RFWD3: variants seen among roughly 807,000 people sequenced by gnomAD.
RFWD3 encodes the protein E3 ubiquitin-protein ligase RFWD3.
A neutral mutation model predicts 87.7 loss-of-function variants in RFWD3; 65 were observed. That is an observed-to-expected ratio of 0.74 (90% confidence interval 0.61 to 0.91). The LOEUF is 0.91. RFWD3 is among the 40% of genes least tolerant of loss of function. The probability of loss-of-function intolerance (pLI) is 0.00; values close to 1 mark genes in which losing one functional copy is unlikely to be tolerated. For missense variants in RFWD3, 1,078 were observed against 938.5 expected, an observed-to-expected ratio of 1.15 and a Z score of -1.94; for synonymous variants, 433 against 352.8, an observed-to-expected ratio of 1.23 and a Z score of -2.55.
intron 6 of RFWD3, among the ~76,000 whole-genome samples, chr16:74,642,117 C>T (rs969321360): frequency 1.3e-4 from 19 of 151,904 alleles, no homozygotes; most frequent in African/African-American, 4.6e-4. Flanking sequence ...CACAGGAAGA[C>T]TTCTAGTGTA....
chr16:74,647,081 G>A (rs1482428883), intron 4 of RFWD3, among the ~76,000 whole-genome samples: 5 of 147,656 alleles, frequency 3.4e-5, no homozygotes, highest in African/African-American at 1.0e-4. Context: ...AGCGACACTC[G>A]TCTCAAAAAA....
chr16:74,629,248 G>A, intron 10 of RFWD3, among the ~76,000 whole-genome samples: 1 of 151,510 alleles, frequency 6.6e-6, no homozygotes, highest in East Asian at 1.9e-4. Context: ...TCGTGCCAAA[G>A]TTGCCAAAGT....
At chr16:74,646,903 TCAACAACAA>T (rs71376295) in intron 4 of RFWD3, among the ~76,000 whole-genome samples, 55 of 150,238 alleles carry the variant, frequency 3.7e-4, no homozygotes, top group Admixed American at 8.6e-4. Context: ...AAACCCCGTC[TCAACAACAA>T]CAACAACAAC....
In RFWD3 at chr16:74,632,594, T is replaced by C; in HGVS notation, c.1506A>G (p.Gly502=). 1.2e-6 allele frequency: 2 copies of C among 1,614,136 alleles called. No individual in the cohort carries two copies. Among genetic ancestry groups the C allele is most frequent in the South Asian group, 1.1e-5 (1 of 91,078 alleles). Residue 502 remains glycine, a synonymous_variant, in exon 9 of 13, where the codon GGA becomes GGG. Transcript: ENST00000361070. ...CTCTGAGGTAACTGCTAAACGCCAGTCCACGGATCTGTTTGCCATGCATCG... is the reference window on the plus strand; with the variant it reads ...CTCTGAGGTAACTGCTAAACGCCAGCCCACGGATCTGTTTGCCATGCATCG... ...YIPMHGKQIR[G]LAFSSYLRGL...
At chr16:74,630,316 T>C (rs1354962074) in intron 10 of RFWD3, among the ~76,000 whole-genome samples, 1 of 152,360 alleles carries the variant, frequency 6.6e-6, no homozygotes, top group African/African-American at 2.4e-5. Context: ...GTCAGGCTGG[T>C]CTCGAATTCC....
chr16:74,651,791 A>T, intron 3 of RFWD3, 129 bp downstream of exon 3: 2 of 797,376 alleles, frequency 2.5e-6, no homozygotes, highest in South Asian at 3.3e-5. Flanking sequence ...CTATACTATA[A>T]AACAGGAATC....
chr16:74,624,137 A>T, intron 12 of RFWD3, 66 bp from the exon 13 acceptor site: 1 of 1,541,398 alleles, frequency 6.5e-7, no homozygotes, highest in Non-Finnish European at 8.8e-7. Flanking sequence ...TCCATTCTTC[A>T]TCATCTAACA....
intron 11 of RFWD3, among the ~76,000 whole-genome samples, chr16:74,626,903 G>GTT (rs1597406886): frequency 6.6e-6 from 1 of 152,128 alleles, no homozygotes; most frequent in South Asian, 2.1e-4. Flanking sequence ...TCAGTAAAAG[G>GTT]TTTTTCCCTT....
intron 11 of RFWD3, among the ~76,000 whole-genome samples, chr16:74,627,823 G>C (rs1483374140): frequency 6.6e-6 from 1 of 152,200 alleles, no homozygotes; most frequent in African/African-American, 2.4e-5. Context: ...GACAGGGCTA[G>C]AGTTTATAGC....
At position 74,626,460 on chromosome 16, in the gene RFWD3, A is replaced by G. The variant is rs1403865181; in HGVS notation, c.2064T>C (p.His688=). The part of the protein sequence containing the change: ...GNPICSCQPV[H]TFFGGPTCKL... ...TGCAAGTAGGTCCTCCAAAAAATGT[A>G]TGTACAGGCTGGCAGGAGCAGATTG... Residue 688 remains histidine (H), a synonymous_variant, in exon 12 of 13, where the codon CAT becomes CAC. Coordinates refer to ENST00000361070, the MANE Select transcript of RFWD3 (RefSeq NM_018124.4). 1 of 1,614,168 alleles carries G rather than the reference A, an allele frequency of 6.2e-7. No individual in the cohort carries two copies. Among genetic ancestry groups the G allele is most frequent in the Admixed American group, 1.7e-5 (1 of 60,026 alleles).
At chr16:74,660,375 T>C (rs1961328420) in intron 2 of RFWD3, among the ~76,000 whole-genome samples, 1 of 152,018 alleles carries the variant, frequency 6.6e-6, no homozygotes, top group Non-Finnish European at 1.5e-5. Context: ...ATCGCTTGAA[T>C]CTGGGAGATG....
intron 6 of RFWD3, among the ~76,000 whole-genome samples, chr16:74,641,566 A>C (rs1325639232): frequency 1.3e-5 from 2 of 152,158 alleles, no homozygotes; most frequent in African/African-American, 4.8e-5. Flanking sequence ...CAAAGCATAA[A>C]ATTAAGCAAA....
intron 8 of RFWD3, among the ~76,000 whole-genome samples, chr16:74,635,112 C>G (rs1433856797): frequency 6.6e-6 from 1 of 151,936 alleles, no homozygotes. Context: ...AACTCCGTCT[C>G]TTCTAAAAAT....
At chr16:74,649,341 C>A in intron 3 of RFWD3, 139 bp from the exon 4 acceptor site, 1 of 561,566 alleles carries the variant, frequency 1.8e-6, no homozygotes, top group Non-Finnish European at 3.2e-6. Context: ...AAAAGGATGA[C>A]AACTTCCCCA....
At chr16:74,659,937 G>A (rs1192375049) in intron 2 of RFWD3, among the ~76,000 whole-genome samples, 7 of 152,072 alleles carry the variant, frequency 4.6e-5, no homozygotes, top group Admixed American at 4.6e-4. Context: ...TGTAGTCCCA[G>A]TTAATCATCA....
rs1214733927 is a variant in RFWD3, at chr16:74,623,291, G to C, written c.*637C>G. The C allele has an allele frequency of 2.6e-5, 4 of 152,696 alleles. No individual in the cohort carries two copies. The highest frequency in any genetic ancestry group is 5.9e-5 in the Non-Finnish European group (4 of 68,078). 9.5% of individuals were successfully genotyped at this position (152,696 alleles called of 1,614,324 possible). On this transcript the variant is annotated 3_prime_UTR_variant, in exon 13 of 13. Coordinates refer to ENST00000361070, the MANE Select transcript of RFWD3 (RefSeq NM_018124.4). ...CATCACTGGGCCTGCCAATGTCCCAGCACTTCACACCTGGAACACAAGTGT... is the reference window on the plus strand; with the variant it reads ...CATCACTGGGCCTGCCAATGTCCCACCACTTCACACCTGGAACACAAGTGT...
chr16:74,641,928 C>CAAAAAAA (rs71158533), intron 6 of RFWD3, among the ~76,000 whole-genome samples: 3 of 52,474 alleles, frequency 5.7e-5, no homozygotes, highest in Admixed American at 3.0e-4. Context: ...ACTCCGTCTC[C>CAAAAAAA]AAAAAAAAAA....
chr16:74,623,654 T>G lies in RFWD3; in HGVS notation c.*274A>C. On this transcript the variant is annotated 3_prime_UTR_variant, in exon 13 of 13. Coordinates refer to ENST00000361070, the MANE Select transcript of RFWD3 (RefSeq NM_018124.4). ...ACACAGAAAATAAAGAAAATAAGAA[T>G]TTCCAACATACAATAATGGTTAATG... 6.7e-6 allele frequency: 2 copies of G among 298,114 alleles called. No individual in the cohort carries two copies. The highest frequency in any genetic ancestry group is 1.2e-5 in the Non-Finnish European group (2 of 161,922). 18.5% of individuals were successfully genotyped at this position (298,114 alleles called of 1,614,324 possible).
chr16:74,666,262 T>C, intron 1 of RFWD3: 1 of 152,368 alleles, frequency 6.6e-6, no homozygotes, highest in Middle Eastern at 3.4e-3. Context: ...GTTCTTTTAC[T>C]ACATGGGGAA....
Sources: allele counts gnomAD v4.1 joint callset (sites outside exome capture counted in the v4.1 genomes callset), GRCh38; gene constraint gnomAD v4.1.1; transcripts MANE v1.5; gene names NCBI Gene and HGNC (gene_info 2026-07-23, HGNC 2026-07-21).